The following SH2D2A variants were observed in gnomAD, a reference collection of about 807,000 sequenced individuals.
The protein encoded by SH2D2A is SH2 domain containing 2A, also known as SH2 domain-containing protein 2A.
Under a neutral mutation model 43.6 loss-of-function variants are expected in SH2D2A, and 33 were observed. That is an observed-to-expected ratio of 0.76 (90% confidence interval 0.57 to 1.01). The LOEUF is 1.01. SH2D2A is among the 50% of genes least tolerant of loss of function. The pLI is 0.00. For missense variants in SH2D2A, 491 were observed against 503.1 expected (o/e 0.98, Z 0.23); for synonymous variants, 212 against 206.1 (o/e 1.03, Z -0.25).
Position 156,815,066 on chromosome 1 carries a change from AG to A in SH2D2A, c.278del (p.Pro93LeufsTer34). On this transcript the variant is annotated frameshift_variant, in exon 3 of 9. Coordinates refer to ENST00000368199, the MANE Select transcript of SH2D2A (RefSeq NM_003975.4). LOFTEE classifies it high-confidence loss of function. ...GGGTGATGAAGCCATGGAACCAGGCAGGGGCTGCCCCGTGCTGCAGGAGCCA... is the reference window on the plus strand; with the variant it reads ...GGGTGATGAAGCCATGGAACCAGGCAGGGCTGCCCCGTGCTGCAGGAGCCA... ...AHWLLQHGAA[P>X]AWFHGFITRR... The A allele has an allele frequency of 1.3e-6, 2 of 1,589,540 alleles. No individual in the cohort carries two copies. Among genetic ancestry groups the A allele is most frequent in the Non-Finnish European group, 1.7e-6 (2 of 1,167,348 alleles).
At chr1:156,816,580 C>T (rs1653956383) in intron 1 of SH2D2A, 95 bp downstream of exon 1, 2 of 1,369,582 alleles carry the variant, frequency 1.5e-6, no homozygotes, top group Non-Finnish European at 1.0e-6. Context: ...TGGGGCCCCT[C>T]ATCCCTGAAG....
Position 156,813,933 on chromosome 1 carries a change from GCGTGGGCGCTGTCCTCGCCCAGCACCA to G in SH2D2A, c.455_481del (p.Val152_His160del), listed in dbSNP as rs1653619640. The stretch of plus-strand genomic sequence containing the variant: ...GTGCAGCAGCAGGTCCTGCAGCCGC[GCGTGGGCGCTGTCCTCGCCCAGCACCA>G]CGTGGCGCCCGTCCCTGAGCTGGGC... On this transcript the variant is annotated inframe_deletion, in exon 5 of 9. Transcript: ENST00000368199. The G allele has an allele frequency of 6.5e-7, 1 of 1,535,740 alleles. No homozygotes were observed. The highest frequency in any genetic ancestry group is 2.0e-5 in the Admixed American group (1 of 51,012).
In SH2D2A at chr1:156,809,077, C is replaced by T. The variant is rs1653192187; in HGVS notation, c.1002+126G>A. 1.0e-6 allele frequency: 1 copy of T among 982,098 alleles called. No homozygotes were observed. Among genetic ancestry groups the T allele is most frequent in the Non-Finnish European group, 1.5e-6 (1 of 656,184 alleles). The allele number at this position is 982,098 out of a possible 1,614,324, so 60.8% of individuals were successfully genotyped here. Reference sequence around the variant, plus strand: ...GGTGCCTGGATCATTCTGTTCTTCCCACATCACCTCACACCTCTGCCCCTT... The same window carrying T: ...GGTGCCTGGATCATTCTGTTCTTCCTACATCACCTCACACCTCTGCCCCTT... On this transcript the variant is annotated intron_variant, in intron 7 of 8. Coordinates refer to ENST00000368199, the MANE Select transcript of SH2D2A (RefSeq NM_003975.4). The surrounding 1 kb of genome is among the most constrained non-coding windows in gnomAD (Gnocchi z 4.8).
At chr1:156,810,048 T>G (rs1653303901) in intron 5 of SH2D2A, among the ~76,000 whole-genome samples, 1 of 152,180 alleles carries the variant, frequency 6.6e-6, no homozygotes, top group African/African-American at 2.4e-5. Flanking sequence ...AAAGTTTTTC[T>G]TTTTTAAGAT....
chr1:156,808,749 C>G (rs1405794234), intron 7 of SH2D2A, among the ~76,000 whole-genome samples: 1 of 152,104 alleles, frequency 6.6e-6, no homozygotes, highest in East Asian at 1.9e-4. Context: ...CTCCCCTGAG[C>G]TCACTGAGAT....
rs910704662 is a variant in SH2D2A at position 156,816,826 on chromosome 1, G to A, written c.-118C>T. On this transcript the variant is annotated 5_prime_UTR_variant, in exon 1 of 9. Coordinates refer to ENST00000368199, the MANE Select transcript of SH2D2A (RefSeq NM_003975.4). ...CCTGGCCCCGGGGGCAGGAAATGTC[G>A]CCTTACCCACAGCCTTAGTTCTGGC... 8 of 950,636 alleles carry A rather than the reference G, an allele frequency of 8.4e-6. No homozygotes were observed. Among genetic ancestry groups the A allele is most frequent in the South Asian group, 2.1e-5 (1 of 48,688 alleles). The allele number at this position is 950,636 out of a possible 1,614,324, so 58.9% of individuals were successfully genotyped here.
chr1:156,808,654 A>G (rs1653153443), intron 7 of SH2D2A, among the ~76,000 whole-genome samples: 1 of 152,080 alleles, frequency 6.6e-6, no homozygotes, highest in Non-Finnish European at 1.5e-5. Flanking sequence ...ACTGACTTGA[A>G]GGGTAGGCAA....
At position 156,809,890 on chromosome 1, in the gene SH2D2A, T is replaced by G; in HGVS notation, c.568-83A>C. 1 of 1,487,148 alleles carries G rather than the reference T, an allele frequency of 6.7e-7. No homozygotes were observed. Among genetic ancestry groups the G allele is most frequent in the Non-Finnish European group, 9.2e-7 (1 of 1,088,514 alleles). The allele number at this position is 1,487,148 out of a possible 1,614,324, so 92.1% of individuals were successfully genotyped here. ...ATCAGGAGGACAAAATAATCCAGTC[T>G]AAGTGGAGGATGGGGGAAGGGGGAG... On this transcript the variant is annotated intron_variant, in intron 5 of 8. Transcript: ENST00000368199. This position sits in a 1 kb window ranked among gnomAD's most constrained non-coding sequence, Gnocchi z 4.8.
rs142292354 is a variant in SH2D2A, at chr1:156,807,892, A to G, written c.1003-547T>C. Among the ~76,000 whole-genome samples, 14 of 152,268 alleles carry G rather than the reference A, an allele frequency of 9.2e-5. No individual in the cohort carries two copies. In the East Asian group the frequency reaches 2.7e-3, roughly 29 times the overall value. On this transcript the variant is annotated intron_variant, in intron 7 of 8. Coordinates refer to ENST00000368199, the MANE Select transcript of SH2D2A (RefSeq NM_003975.4). This position sits in a 1 kb window ranked among gnomAD's most constrained non-coding sequence, Gnocchi z 5.1. ...CTAAGGAGGTGAGACCCCCCACCCAACCCAAGTCTAGAGTGCTTCATGGGC... is the reference window on the plus strand; with the variant it reads ...CTAAGGAGGTGAGACCCCCCACCCAGCCCAAGTCTAGAGTGCTTCATGGGC...
At chr1:156,815,720 C>T in intron 2 of SH2D2A, 1 of 1,221,502 alleles carries the variant, frequency 8.2e-7, no homozygotes, top group East Asian at 2.3e-5. Context: ...ACACAGAGTG[C>T]AGATGCCTGC....
At chr1:156,813,540 T>C (rs1034199337) in intron 5 of SH2D2A, among the ~76,000 whole-genome samples, 1 of 152,174 alleles carries the variant, frequency 6.6e-6, no homozygotes, top group South Asian at 2.1e-4. Flanking sequence ...AGCGAGACTC[T>C]GTCTAAAACA....
chr1:156,814,278 G>T lies in SH2D2A; in HGVS notation c.325C>A (p.Leu109Met). Residue 109 changes from leucine (L) to methionine (M), a missense_variant, in exon 4 of 9, where the codon CTG (leucine) becomes ATG (methionine). Coordinates refer to ENST00000368199, the MANE Select transcript of SH2D2A (RefSeq NM_003975.4). ...FITRREAERL[L>M]EPKPQGCYLV... Reference sequence around the variant, plus strand: ...TAGCACCCCTGAGGCTTGGGCTCCAGCAGCCTCTCTGCCTCCCTGTGGGTG... The same window carrying T: ...TAGCACCCCTGAGGCTTGGGCTCCATCAGCCTCTCTGCCTCCCTGTGGGTG... The T allele has an allele frequency of 6.2e-7, 1 of 1,612,936 alleles. No individual in the cohort carries two copies. Among genetic ancestry groups the T allele is most frequent in the South Asian group, 1.1e-5 (1 of 91,066 alleles).
Position 156,809,268 on chromosome 1 carries a change from G to A in SH2D2A, c.937C>T (p.Leu313=), listed in dbSNP as rs1653211670. The A allele has an allele frequency of 2.5e-6, 4 of 1,614,042 alleles. No individual in the cohort carries two copies. The highest frequency in any genetic ancestry group is 2.5e-6 in the Non-Finnish European group (3 of 1,180,012). The change falls in exon 7 of 9, where the codon CTA becomes TTA. Residue 313 remains leucine (L), a synonymous_variant. Coordinates refer to ENST00000368199, the MANE Select transcript of SH2D2A (RefSeq NM_003975.4). This position sits in a 1 kb window ranked among gnomAD's most constrained non-coding sequence, Gnocchi z 4.8. ...NIYVEVEDEG[L]PATLGHPVLR... ...ACAGGGTGCCCAAGGGTGGCGGGTA[G>A]GCCCTCATCTTCCACTTCCACATAG...
chr1:156,815,114 C>G lies in SH2D2A; in HGVS notation c.231G>C (p.Trp77Cys). ...GCCAGTGGGCCTGGGTCTTCTGGAA[C>G]CAAGCCCGGGTCTCGGCCTGCAGGA... ...SLFLQAETRA[W>C]FQKTQAHWLL... Residue 77 changes from tryptophan (W) to cysteine (C), a missense_variant, in exon 3 of 9, where the codon TGG becomes TGC. Transcript: ENST00000368199. 1 of 1,610,674 alleles carries G rather than the reference C, an allele frequency of 6.2e-7. No homozygotes were observed. The highest frequency in any genetic ancestry group is 8.5e-7 in the Non-Finnish European group (1 of 1,178,508).
chr1:156,809,319 T>C lies in SH2D2A; in HGVS notation c.886A>G (p.Ser296Gly). 1 of 1,614,210 alleles carries C rather than the reference T, an allele frequency of 6.2e-7. No homozygotes were observed. Among genetic ancestry groups the C allele is most frequent in the South Asian group, 1.1e-5 (1 of 91,086 alleles). ...ATGTTGCTGGGGGCTTCCCCAGGGC[T>C]GCCCCGGCCCATGGCATAGAAAGCT... ...PIAFYAMGRG[S>G]PGEAPSNIYV... The change falls in exon 7 of 9, where the codon AGC (serine) becomes GGC (glycine). Residue 296 changes from serine (S) to glycine (G), a missense_variant. Ser to Gly is a moderately conservative substitution (Grantham distance 56). Coordinates refer to ENST00000368199, the MANE Select transcript of SH2D2A (RefSeq NM_003975.4). The surrounding 1 kb of genome is among the most constrained non-coding windows in gnomAD (Gnocchi z 4.8).
chr1:156,815,749 T>C, intron 2 of SH2D2A: 10 of 1,540,486 alleles, frequency 6.5e-6, no homozygotes, highest in Non-Finnish European at 9.0e-6. Flanking sequence ...CTCAATGCAC[T>C]GCACCCTGGT....
chr1:156,816,090 A>T lies in SH2D2A; in HGVS notation c.39T>A (p.Ser13Arg), dbSNP rs1301815909. Residue 13 changes from serine to arginine, a missense_variant, in exon 2 of 9, where the codon AGT (serine) becomes AGA (arginine). By Grantham distance (110) the Ser-to-Arg change is moderately radical. Coordinates refer to ENST00000368199, the MANE Select transcript of SH2D2A (RefSeq NM_003975.4). ...FPLAQICPQG[S>R]HEAPIPTFST... Reference sequence around the variant, plus strand: ...TGAAGGTTGGGATGGGGGCTTCGTGACTCCCTGTGAGCACAAAGAGGGCTG... The same window carrying T: ...TGAAGGTTGGGATGGGGGCTTCGTGTCTCCCTGTGAGCACAAAGAGGGCTG... 6.2e-7 allele frequency: 1 copy of T among 1,612,108 alleles called. No homozygotes were observed. The highest frequency in any genetic ancestry group is 1.3e-5 in the African/African-American group (1 of 74,650).
At chr1:156,814,074 G>T in intron 4 of SH2D2A, 58 bp from the exon 5 acceptor site, 1 of 1,490,764 alleles carries the variant, frequency 6.7e-7, no homozygotes, top group Non-Finnish European at 8.9e-7. Context: ...GGTCACCAGC[G>T]AGAGGCGTGA....
At chr1:156,811,233 C>G (rs779903723) in intron 5 of SH2D2A, among the ~76,000 whole-genome samples, 1 of 152,176 alleles carries the variant, frequency 6.6e-6, no homozygotes, top group Non-Finnish European at 1.5e-5. Context: ...GTCTAAATAT[C>G]GTTCACATCT....
Sources: allele counts gnomAD v4.1 joint callset (sites outside exome capture counted in the v4.1 genomes callset), GRCh38; gene constraint gnomAD v4.1.1; non-coding constraint Gnocchi (gnomAD v3.1); transcripts MANE v1.5; gene names NCBI Gene and HGNC (gene_info 2026-07-23, HGNC 2026-07-21).